Variants in CPNE4 observed in about 807,000 individuals in gnomAD.
The protein encoded by CPNE4 is copine 4.
Under a neutral mutation model 67.9 loss-of-function variants are expected in CPNE4, and 25 were observed. The ratio of observed to expected loss-of-function variants is 0.37; its 90% CI spans 0.27 to 0.51. The LOEUF is 0.51. CPNE4 is among the 20% of genes least tolerant of loss of function. The pLI, the probability that CPNE4 is intolerant of heterozygous loss-of-function variation, is 0.93. For missense variants in CPNE4, 464 were observed against 690.8 expected (o/e 0.67, Z 3.68); for synonymous variants, 242 against 244.9 (o/e 0.99, Z 0.11).
At chr3:131,826,584 T>A (rs1006530580) in intron 2 of CPNE4, among the ~76,000 whole-genome samples, 1 of 152,210 alleles carries the variant, frequency 6.6e-6, no homozygotes, top group African/African-American at 2.4e-5. Flanking sequence ...GTTTGTTTGT[T>A]CGCTTTTTCT....
intron 10 of CPNE4, among the ~76,000 whole-genome samples, chr3:131,573,891 T>TG (rs1181827429): frequency 6.6e-6 from 1 of 152,054 alleles, no homozygotes; most frequent in African/African-American, 2.4e-5. Context: ...AATTTGCTCC[T>TG]GTAAGCGTTC....
intron 2 of CPNE4, among the ~76,000 whole-genome samples, chr3:131,879,804 C>G (rs1001303557): frequency 2.0e-5 from 3 of 152,078 alleles, no homozygotes; most frequent in Non-Finnish European, 4.4e-5. Flanking sequence ...AATTGGATTC[C>G]CCTGTTGAGG....
rs976700837 is a variant in CPNE4, at chr3:131,877,110, T to C, written c.180+28154A>G. On this transcript the variant is annotated intron_variant, in intron 2 of 15. Coordinates refer to ENST00000429747, the MANE Select transcript of CPNE4 (RefSeq NM_130808.3). ...GTTTTCCATCCTCTTTTGCATCTAG[T>C]AGTAACCAGTGACACACTGGCCATT... Among the ~76,000 whole-genome samples, 11 of 152,186 alleles carry C rather than the reference T, an allele frequency of 7.2e-5. No homozygotes were observed. In the East Asian group the frequency reaches 2.1e-3, roughly 29 times the overall value.
At chr3:131,731,444 A>C (rs1276156708) in intron 2 of CPNE4, among the ~76,000 whole-genome samples, 1 of 152,192 alleles carries the variant, frequency 6.6e-6, no homozygotes, top group Non-Finnish European at 1.5e-5. Flanking sequence ...CCATCCACAC[A>C]GAGCATGAGC....
chr3:131,906,793 G>C (rs71315624), intron 1 of CPNE4, among the ~76,000 whole-genome samples: 1 of 151,346 alleles, frequency 6.6e-6, no homozygotes, highest in Non-Finnish European at 1.5e-5. Context: ...GGGTCAAATG[G>C]TATTTCCAGT....
chr3:131,854,402 T>C (rs1583331213), intron 2 of CPNE4, among the ~76,000 whole-genome samples: 1 of 151,920 alleles, frequency 6.6e-6, no homozygotes, highest in South Asian at 2.1e-4. Flanking sequence ...AAGATTTACT[T>C]GGGTGATGAA....
chr3:131,780,555 C>T (rs890911676), intron 2 of CPNE4, among the ~76,000 whole-genome samples: 2 of 152,010 alleles, frequency 1.3e-5, no homozygotes, highest in African/African-American at 4.8e-5. Context: ...AGGCCGTTAT[C>T]CGAAGCAAAT....
intron 2 of CPNE4, among the ~76,000 whole-genome samples, chr3:131,872,186 G>A (rs2087243071): frequency 6.6e-6 from 1 of 152,064 alleles, no homozygotes; most frequent in African/African-American, 2.4e-5. Flanking sequence ...GTGTGCGTGT[G>A]TGTGTGTGTA....
At chr3:131,665,635 G>T (rs1236260504) in intron 7 of CPNE4, among the ~76,000 whole-genome samples, 1 of 149,458 alleles carries the variant, frequency 6.7e-6, no homozygotes, top group Non-Finnish European at 1.5e-5. Context: ...ATCCAGCCTG[G>T]GCAACAGAGC....
chr3:131,637,091 G>T (rs2079409105), intron 7 of CPNE4, among the ~76,000 whole-genome samples: 1 of 152,078 alleles, frequency 6.6e-6, no homozygotes, highest in African/African-American at 2.4e-5. Flanking sequence ...CAAATGAGAA[G>T]GAACCAGAAA....
At chr3:131,995,297 T>C (rs940368130) in intron 1 of CPNE4, among the ~76,000 whole-genome samples, 4 of 152,182 alleles carry the variant, frequency 2.6e-5, no homozygotes, top group African/African-American at 4.8e-5. Flanking sequence ...TATAATATTA[T>C]CATTATCTCT....
intron 2 of CPNE4, among the ~76,000 whole-genome samples, chr3:131,816,076 T>A (rs2107955120): frequency 6.6e-6 from 1 of 152,340 alleles, no homozygotes; most frequent in Admixed American, 6.5e-5. Context: ...AGAGGCAAGA[T>A]GGAGTCAGCT....
intron 1 of CPNE4, among the ~76,000 whole-genome samples, chr3:132,005,260 A>G (rs1464881377): frequency 6.8e-6 from 1 of 147,488 alleles, no homozygotes; most frequent in Non-Finnish European, 1.5e-5. Flanking sequence ...AGCATGACCT[A>G]TCCTATCCTA....
At position 131,671,901 on chromosome 3, in the gene CPNE4, C is replaced by A. The variant is rs544972848; in HGVS notation, c.592-2137G>T. 3.4e-4 allele frequency among the ~76,000 whole-genome samples: 51 copies of A among 152,086 alleles called. No individual in the cohort carries two copies. In the South Asian group the frequency reaches 0.01, roughly 31 times the overall value. On this transcript the variant is annotated intron_variant, in intron 6 of 15. Transcript: ENST00000429747. ...AGTCACCATATTGTTCTGTCAAATA[C>A]TAGATCTTATTCATTCTAACTAGAT...
chr3:131,786,049 A>T (rs1292975287), intron 2 of CPNE4, among the ~76,000 whole-genome samples: 1 of 152,066 alleles, frequency 6.6e-6, no homozygotes, highest in Non-Finnish European at 1.5e-5. Context: ...CAAGGCCCAA[A>T]GCCTCTTCTC....
At chr3:131,602,373 C>T (rs1022476269) in intron 7 of CPNE4, among the ~76,000 whole-genome samples, 3 of 152,118 alleles carry the variant, frequency 2.0e-5, no homozygotes, top group African/African-American at 4.8e-5. Flanking sequence ...TAGGCAAATA[C>T]AGTCCTAAAA....
In CPNE4 at chr3:131,989,645, T is replaced by C. The variant is rs192769302; in HGVS notation, c.-2+44922A>G. On this transcript the variant is annotated intron_variant, in intron 1 of 15. Coordinates refer to ENST00000429747, the MANE Select transcript of CPNE4 (RefSeq NM_130808.3). ...GCAACTTTTGTGAAAGCCAAAAGAA[T>C]GACATATTTTCTCTCACTGGGAGAC... is the stretch of plus-strand genomic sequence containing the variant. 1.5e-3 allele frequency among the ~76,000 whole-genome samples: 206 copies of C among 136,628 alleles called. 45 individuals carry two copies. Among genetic ancestry groups the C allele is most frequent in the Non-Finnish European group, 2.1e-3 (129 of 60,190 alleles). The allele number at this position is 136,628 out of a possible 152,430, so 89.6% of individuals were successfully genotyped here. A position where few individuals can be genotyped will look rare whatever the true frequency, so the allele number is the denominator to read the frequency against.
rs72983696 is a variant in CPNE4 at position 131,697,411 on chromosome 3, C to T, written c.433-795G>A. Reference sequence around the variant, plus strand: ...ATTCTGTGGCCACAGCACATGGATACGCTTATCAAATTGCTTATATCAAGA... The same window carrying T: ...ATTCTGTGGCCACAGCACATGGATATGCTTATCAAATTGCTTATATCAAGA... On this transcript the variant is annotated intron_variant, in intron 4 of 15. Coordinates refer to ENST00000429747, the MANE Select transcript of CPNE4 (RefSeq NM_130808.3). 7.3e-3 allele frequency among the ~76,000 whole-genome samples: 1,116 copies of T among 152,244 alleles called. 19 individuals carry two copies. The highest frequency in any genetic ancestry group is 0.025 in the African/African-American group (1,050 of 41,538).
At chr3:131,922,824 C>T (rs1035182152) in intron 1 of CPNE4, among the ~76,000 whole-genome samples, 2 of 152,072 alleles carry the variant, frequency 1.3e-5, no homozygotes, top group African/African-American at 4.8e-5. Flanking sequence ...TATAGTGTAT[C>T]CTCTAAAAGT....
Sources: allele counts gnomAD v4.1 joint callset (sites outside exome capture counted in the v4.1 genomes callset), GRCh38; gene constraint gnomAD v4.1.1; transcripts MANE v1.5; gene names NCBI Gene and HGNC (gene_info 2026-07-23, HGNC 2026-07-21).